The following NCMAP variants were observed in gnomAD, a reference collection of about 807,000 sequenced individuals.
The protein encoded by NCMAP is non-compact myelin associated protein.
In NCMAP, 8 loss-of-function variants were observed where a neutral mutation model predicts 7.8. That is an observed-to-expected ratio of 1.02 (90% CI 0.60 to 1.84). NCMAP has a LOEUF of 1.84. NCMAP is among the 40% of genes most tolerant of loss of function. The pLI, the probability that NCMAP is intolerant of heterozygous loss-of-function variation, is 0.00. For synonymous variants in NCMAP, 41 were observed against 52.9 expected (o/e 0.78, Z 0.98); for missense variants, 112 against 131.4 (o/e 0.85, Z 0.72).
chr1:24,608,121 AATT>A lies in NCMAP; in HGVS notation c.*2378_*2380del, dbSNP rs1369027237. The A allele has an allele frequency of 6.6e-6, 1 of 152,170 alleles. No homozygotes were observed. Among genetic ancestry groups the A allele is most frequent in the Non-Finnish European group, 1.5e-5 (1 of 68,016 alleles). 9.4% of individuals were successfully genotyped at this position (152,170 alleles called of 1,614,324 possible). The stretch of plus-strand genomic sequence containing the variant: ...AAATTTTCCCAAAAACCTGGGGAGG[AATT>A]ATTTTTTCCAAAACAGATGATAATT... On this transcript the variant is annotated 3_prime_UTR_variant, in exon 4 of 4. Transcript: ENST00000374392.
At chr1:24,558,999 AC>A (rs1650977682) in intron 1 of NCMAP, among the ~76,000 whole-genome samples, 1 of 152,196 alleles carries the variant, frequency 6.6e-6, no homozygotes, top group Non-Finnish European at 1.5e-5. Flanking sequence ...GAAAAGAAAG[AC>A]CCCAAATTAC....
chr1:24,578,240 T>G (rs1331890298), intron 1 of NCMAP, among the ~76,000 whole-genome samples: 1 of 115,232 alleles, frequency 8.7e-6, no homozygotes, highest in East Asian at 2.9e-4. Context: ...TGTGGGACAC[T>G]GTCTCAAAAA....
intron 1 of NCMAP, among the ~76,000 whole-genome samples, chr1:24,561,295 C>T (rs770000638): frequency 5.3e-5 from 8 of 150,154 alleles, no homozygotes; most frequent in Admixed American, 1.3e-4. Flanking sequence ...TGCAGTGAGC[C>T]GAGATCGCAC....
At position 24,605,667 on chromosome 1, in the gene NCMAP, G is replaced by A. The variant is rs146730255; in HGVS notation, c.229G>A (p.Val77Met). 45 of 1,614,026 alleles carry A rather than the reference G, an allele frequency of 2.8e-5. No homozygotes were observed. The highest frequency in any genetic ancestry group is 3.3e-4 in the Middle Eastern group (2 of 6,084). ...KGPKPTAPSAVGPNSNGSQHP... is the reference protein window; with the variant it reads ...KGPKPTAPSAMGPNSNGSQHP... ...CCCCAAGCCAACCGCCCCTTCTGCC[G>A]TGGGCCCAAACAGCAACGGCAGCCA... The change falls in exon 4 of 4, where the codon GTG becomes ATG. Residue 77 changes from valine to methionine, a missense_variant. Coordinates refer to ENST00000374392, the MANE Select transcript of NCMAP (RefSeq NM_001010980.5).
Position 24,605,771 on chromosome 1 carries a change from C to T in NCMAP, c.*24C>T, listed in dbSNP as rs764641806. On this transcript the variant is annotated 3_prime_UTR_variant, in exon 4 of 4. Coordinates refer to ENST00000374392, the MANE Select transcript of NCMAP (RefSeq NM_001010980.5). ...GACCTCTACCCTGGCGCTATCTCCA[C>T]CACTGTCCAAAGAGCCTCTCCAGAG... 4.5e-5 allele frequency: 73 copies of T among 1,612,332 alleles called. No homozygotes were observed. The highest frequency in any genetic ancestry group is 5.6e-5 in the Non-Finnish European group (66 of 1,178,738).
intron 1 of NCMAP, among the ~76,000 whole-genome samples, chr1:24,590,131 G>A (rs1334568639): frequency 6.6e-6 from 1 of 152,214 alleles, no homozygotes; most frequent in Non-Finnish European, 1.5e-5. Context: ...AAGTCTCAGG[G>A]TCTTCATTTG....
chr1:24,561,288 A>T (rs1651042665), intron 1 of NCMAP, among the ~76,000 whole-genome samples: 1 of 151,314 alleles, frequency 6.6e-6, no homozygotes, highest in African/African-American at 2.4e-5. Flanking sequence ...CGGAGGTTGC[A>T]GTGAGCCGAG....
intron 3 of NCMAP, among the ~76,000 whole-genome samples, chr1:24,604,605 AATATATATATATATATATATATATATAT>A (rs71032835): frequency 4.7e-5 from 1 of 21,192 alleles, no homozygotes; most frequent in Non-Finnish European, 7.3e-5. Flanking sequence ...AAAAAAAAAA[AATATATATATATATATATATATATATAT>A]ATATATATAT....
intron 1 of NCMAP, among the ~76,000 whole-genome samples, chr1:24,591,673 CAG>C (rs1260116496): frequency 6.6e-6 from 1 of 152,110 alleles, no homozygotes. Context: ...GGCAGGGAGA[CAG>C]AGTGGCAGGA....
chr1:24,562,482 G>C (rs1556365), intron 1 of NCMAP, among the ~76,000 whole-genome samples: 53,621 of 152,008 alleles, frequency 0.35, 9,896 homozygotes, highest in African/African-American at 0.44. Flanking sequence ...GACTGTGCCC[G>C]GTTCCCCACT....
chr1:24,568,989 A>G (rs986018426), intron 1 of NCMAP, among the ~76,000 whole-genome samples: 10 of 151,554 alleles, frequency 6.6e-5, no homozygotes, highest in African/African-American at 2.4e-4. Flanking sequence ...GTTCTTCCAC[A>G]GCTTTAATTC....
intron 2 of NCMAP, 89 bp from the exon 3 acceptor site, chr1:24,600,851 A>G (rs981365099): frequency 9.5e-7 from 1 of 1,056,030 alleles, no homozygotes; most frequent in African/African-American, 1.6e-5. Flanking sequence ...CCCTTGACCT[A>G]GTGAGGATGT....
intron 1 of NCMAP, among the ~76,000 whole-genome samples, chr1:24,577,395 G>A (rs1187778588): frequency 8.8e-6 from 1 of 113,544 alleles, no homozygotes; most frequent in African/African-American, 3.7e-5. Flanking sequence ...AGAAGGCACT[G>A]GCCTTGTTTT....
chr1:24,603,152 T>C (rs56309056), intron 3 of NCMAP, among the ~76,000 whole-genome samples: 5,348 of 152,230 alleles, frequency 0.035, 146 homozygotes, highest in Middle Eastern at 0.11. Context: ...CTTACATGTG[T>C]TAATGCATTT....
chr1:24,561,208 A>T (rs1271810911), intron 1 of NCMAP, among the ~76,000 whole-genome samples: 1 of 142,614 alleles, frequency 7.0e-6, no homozygotes, highest in Non-Finnish European at 1.5e-5. Context: ...ATAGCTGGGC[A>T]CGGTGGCGAG....
intron 1 of NCMAP, among the ~76,000 whole-genome samples, chr1:24,575,668 G>T (rs1349860957): frequency 6.6e-6 from 1 of 151,980 alleles, no homozygotes; most frequent in Admixed American, 6.6e-5. Context: ...AAAACTGCCC[G>T]GGCGTGGTGG....
chr1:24,585,732 G>C (rs894165512), intron 1 of NCMAP, among the ~76,000 whole-genome samples: 4 of 152,166 alleles, frequency 2.6e-5, no homozygotes, highest in Non-Finnish European at 4.4e-5. Context: ...CACAGCCCCT[G>C]TGTCCCACCG....
chr1:24,578,938 C>T (rs891239208), intron 1 of NCMAP, among the ~76,000 whole-genome samples: 6 of 149,198 alleles, frequency 4.0e-5, no homozygotes, highest in African/African-American at 1.5e-4. Context: ...ATCTCCTTTC[C>T]ATCTAGACAA....
At chr1:24,604,604 AAATATATATATATATATATATATATAT>A (rs1297534611) in intron 3 of NCMAP, among the ~76,000 whole-genome samples, 5 of 38,430 alleles carry the variant, frequency 1.3e-4, no homozygotes, top group South Asian at 1.7e-3. Context: ...AAAAAAAAAA[AAATATATATATATATATATATATATAT>A]ATATATATAT....
Sources: allele counts gnomAD v4.1 joint callset (sites outside exome capture counted in the v4.1 genomes callset), GRCh38; gene constraint gnomAD v4.1.1; transcripts MANE v1.5; gene names NCBI Gene and HGNC (gene_info 2026-07-23, HGNC 2026-07-21).